MGAT4C: variants seen among roughly 807,000 people sequenced by gnomAD.
MGAT4C encodes the protein MGAT4 family member C.
In MGAT4C, 19 loss-of-function variants were observed where a neutral mutation model predicts 40.1. That is an observed-to-expected ratio of 0.47 (90% CI 0.33 to 0.70). The LOEUF is 0.70. Among genes scored for constraint, MGAT4C ranks in the 30% least tolerant of loss-of-function variants. The pLI is 0.02. For synonymous variants in MGAT4C, 181 were observed against 187.1 expected (o/e 0.97, Z 0.27); for missense variants, 491 against 563.2 (o/e 0.87, Z 1.30).
At chr12:86,489,488 T>G (rs1958088797) in intron 2 of MGAT4C, among the ~76,000 whole-genome samples, 1 of 152,162 alleles carries the variant, frequency 6.6e-6, no homozygotes, top group Non-Finnish European at 1.5e-5. Flanking sequence ...TGCCCCAAAC[T>G]ACAAGGCAAA....
At chr12:86,151,317 A>G (rs1884241328) in intron 1 of MGAT4C, among the ~76,000 whole-genome samples, 2 of 151,960 alleles carry the variant, frequency 1.3e-5, no homozygotes, top group South Asian at 2.1e-4. Flanking sequence ...GCGGAAAAAA[A>G]AAATGTTGAC....
intron 2 of MGAT4C, among the ~76,000 whole-genome samples, chr12:86,473,155 T>G (rs1717240963): frequency 1.3e-5 from 2 of 152,006 alleles, no homozygotes. Flanking sequence ...CAGGGTTTCA[T>G]CATGTTGGCC....
At chr12:86,026,777 A>T (rs1347796376) in intron 2 of MGAT4C, among the ~76,000 whole-genome samples, 1 of 151,914 alleles carries the variant, frequency 6.6e-6, no homozygotes, top group Non-Finnish European at 1.5e-5. Context: ...ATTTAAGCAG[A>T]TCTGAGATAT....
intron 1 of MGAT4C, among the ~76,000 whole-genome samples, chr12:86,082,835 T>C (rs555040303): frequency 3.9e-5 from 6 of 152,244 alleles, no homozygotes; most frequent in African/African-American, 1.4e-4. Flanking sequence ...TTTTATTGAT[T>C]TATACTTTTA....
intron 1 of MGAT4C, among the ~76,000 whole-genome samples, chr12:86,070,638 T>C (rs1894993428): frequency 6.6e-6 from 1 of 152,034 alleles, no homozygotes; most frequent in Non-Finnish European, 1.5e-5. Context: ...TTTAATGAGC[T>C]GGGATTTCAA....
chr12:86,621,743 A>G (rs1962644921), intron 2 of MGAT4C, among the ~76,000 whole-genome samples: 1 of 152,170 alleles, frequency 6.6e-6, no homozygotes, highest in Non-Finnish European at 1.5e-5. Context: ...CTCCAAAAAT[A>G]TGAGGATTCC....
chr12:86,357,629 C>T (rs957506886), intron 3 of MGAT4C, among the ~76,000 whole-genome samples: 2 of 152,244 alleles, frequency 1.3e-5, no homozygotes, highest in Middle Eastern at 3.4e-3. Context: ...TAGAGAAGAA[C>T]TTAAATGACC....
intron 4 of MGAT4C, among the ~76,000 whole-genome samples, chr12:86,289,265 C>T (rs532614123): frequency 1.0e-4 from 15 of 143,672 alleles, no homozygotes; most frequent in South Asian, 2.3e-4. Flanking sequence ...CACTAGTCTA[C>T]GTGTTTGTTT....
At chr12:86,144,991 A>C (rs756260016) in intron 1 of MGAT4C, among the ~76,000 whole-genome samples, 3 of 152,194 alleles carry the variant, frequency 2.0e-5, no homozygotes, top group African/African-American at 4.8e-5. Context: ...CAAAACAAAA[A>C]AAATATTAAA....
chr12:86,051,567 G>C (rs1435898447), intron 1 of MGAT4C, among the ~76,000 whole-genome samples: 1 of 151,134 alleles, frequency 6.6e-6, no homozygotes, highest in Non-Finnish European at 1.5e-5. Context: ...AATTTCATCT[G>C]GTTAAATTAA....
chr12:86,809,645 T>C (rs2136214275), intron 1 of MGAT4C, among the ~76,000 whole-genome samples: 2 of 152,172 alleles, frequency 1.3e-5, no homozygotes, highest in East Asian at 3.9e-4. Context: ...TTGAATAGCT[T>C]TTCATGTGCT....
chr12:86,814,948 G>A (rs1447293440), intron 1 of MGAT4C, among the ~76,000 whole-genome samples: 1 of 151,956 alleles, frequency 6.6e-6, no homozygotes, highest in Non-Finnish European at 1.5e-5. Flanking sequence ...GTAGTCTAAG[G>A]TATTTTGTTA....
chr12:85,983,712 G>C (rs778258297), intron 3 of MGAT4C, 42 bp from the exon 4 acceptor site: 15 of 1,411,046 alleles, frequency 1.1e-5, no homozygotes, highest in Non-Finnish European at 1.3e-5. Context: ...ATAAATAATA[G>C]ATGGTCATGG....
At chr12:86,441,517 G>A (rs1397076726) in intron 2 of MGAT4C, among the ~76,000 whole-genome samples, 3 of 108,290 alleles carry the variant, frequency 2.8e-5, no homozygotes, top group East Asian at 2.6e-4. Context: ...CCCACAACAG[G>A]CCTCGGTGTG....
rs115509400 is a variant in MGAT4C, at chr12:86,699,670, C to T, written c.-229+27539G>A. On this transcript the variant is annotated intron_variant, in intron 2 of 7. Coordinates refer to the MGAT4C transcript ENST00000548651. ...CTACTGTTGACTGGAAGCCTGATAT[C>T]ATAGAAAATGGATTAACTCATATTT... is the stretch of plus-strand genomic sequence containing the variant. Among the ~76,000 whole-genome samples the T allele has an allele frequency of 3.5e-3, 535 of 152,048 alleles. 3 individuals are homozygous for T. The highest frequency in any genetic ancestry group is 0.013 in the African/African-American group (521 of 41,490).
intron 3 of MGAT4C, among the ~76,000 whole-genome samples, chr12:86,387,082 G>A (rs548278249): frequency 6.6e-6 from 1 of 152,010 alleles, no homozygotes; most frequent in Non-Finnish European, 1.5e-5. Flanking sequence ...CATATCTAAT[G>A]TCAACATTTC....
At chr12:86,694,051 T>C (rs1052329942) in intron 2 of MGAT4C, among the ~76,000 whole-genome samples, 1 of 152,202 alleles carries the variant, frequency 6.6e-6, no homozygotes, top group African/African-American at 2.4e-5. Flanking sequence ...ACTTTTAACA[T>C]GTAGCTTCTA....
intron 2 of MGAT4C, among the ~76,000 whole-genome samples, chr12:86,444,771 A>T (rs961847118): frequency 2.0e-5 from 3 of 152,204 alleles, no homozygotes; most frequent in African/African-American, 7.2e-5. Context: ...AGTATTAAGT[A>T]TATTCACTTT....
intron 3 of MGAT4C, among the ~76,000 whole-genome samples, chr12:86,423,070 A>G (rs1053380704): frequency 1.3e-5 from 2 of 152,194 alleles, no homozygotes; most frequent in Admixed American, 1.3e-4. Context: ...AAGTAGAATT[A>G]GAAAATCAGC....
Sources: gnomAD v4.1 joint callset for allele counts (sites outside exome capture counted in the v4.1 genomes callset) on GRCh38, gnomAD v4.1.1 for gene constraint, MANE v1.5 for transcripts, NCBI Gene and HGNC (gene_info 2026-07-23, HGNC 2026-07-21) for gene names.